The following LEKR1 variants were observed in gnomAD, a reference collection of about 807,000 sequenced individuals.
LEKR1 encodes the protein leucine, glutamate and lysine rich 1.
A neutral mutation model predicts 72.4 loss-of-function variants in LEKR1; 59 were observed. The observed-to-expected ratio is 0.82, with a 90% CI of 0.66 to 1.01. The LOEUF (loss-of-function observed/expected upper bound fraction) is 1.01, where lower values mean the gene tolerates loss of function less well. Ranked by LOEUF, LEKR1 falls within the 50% of genes least tolerant of loss-of-function variation. LEKR1 has a pLI of 0.00. For synonymous variants in LEKR1, 257 were observed against 263.2 expected, an observed-to-expected ratio of 0.98 and a Z score of 0.23; for missense variants, 728 against 759.2, an observed-to-expected ratio of 0.96 and a Z score of 0.48.
At chr3:157,022,442 A>G (rs551235539) in intron 10 of LEKR1, among the ~76,000 whole-genome samples, 2 of 152,146 alleles carry the variant, frequency 1.3e-5, no homozygotes, top group Non-Finnish European at 2.9e-5. Context: ...AGTGCTGATG[A>G]AAGTTGAGAC....
intron 7 of LEKR1, among the ~76,000 whole-genome samples, chr3:156,981,389 A>G (rs1182655440): frequency 6.6e-6 from 1 of 152,196 alleles, no homozygotes; most frequent in Non-Finnish European, 1.5e-5. Flanking sequence ...ATACACCACT[A>G]AAGTCCATCA....
chr3:156,964,550 C>A (rs548907410), intron 6 of LEKR1, among the ~76,000 whole-genome samples: 1 of 151,964 alleles, frequency 6.6e-6, no homozygotes, highest in Non-Finnish European at 1.5e-5. Context: ...AGAATTAATT[C>A]TTAAGAGTGC....
intron 3 of LEKR1, among the ~76,000 whole-genome samples, chr3:156,885,701 G>A (rs752668497): frequency 7.9e-5 from 12 of 152,258 alleles, no homozygotes; most frequent in Non-Finnish European, 1.5e-4. Flanking sequence ...ATGAGAGTTC[G>A]TGATTCTAGA....
intron 3 of LEKR1, among the ~76,000 whole-genome samples, chr3:156,920,369 C>G (rs1473561302): frequency 6.6e-6 from 1 of 151,998 alleles, no homozygotes; most frequent in Non-Finnish European, 1.5e-5. Context: ...TACTTTTTCC[C>G]CCTGCCCATA....
chr3:156,985,608 G>A (rs561969491), intron 7 of LEKR1, among the ~76,000 whole-genome samples: 35 of 152,258 alleles, frequency 2.3e-4, no homozygotes, highest in African/African-American at 7.9e-4. Context: ...ACTGAGGCGA[G>A]GCAGGTGGAT....
intron 6 of LEKR1, among the ~76,000 whole-genome samples, chr3:156,972,641 T>G (rs1043415548): frequency 6.6e-6 from 1 of 151,318 alleles, no homozygotes; most frequent in African/African-American, 2.4e-5. Context: ...TTATATGTAA[T>G]ATATATAAGG....
At chr3:156,837,506 G>C (rs416600) in intron 2 of LEKR1, among the ~76,000 whole-genome samples, 128,542 of 152,242 alleles carry the variant, frequency 0.84, 54,431 homozygotes, top group African/African-American at 0.91. Context: ...TTTCAGGGAC[G>C]TGCAGCAAAG....
At chr3:156,995,174 A>G (rs1003851981) in intron 9 of LEKR1, among the ~76,000 whole-genome samples, 2 of 152,208 alleles carry the variant, frequency 1.3e-5, no homozygotes, top group Admixed American at 1.3e-4. Context: ...CTGCAGTTTG[A>G]AGAGGGGAGT....
chr3:156,909,385 G>C (rs766322746), intron 3 of LEKR1, among the ~76,000 whole-genome samples: 2 of 151,922 alleles, frequency 1.3e-5, no homozygotes, highest in African/African-American at 4.8e-5. Context: ...TTGCTGGTGG[G>C]TCATGCCTGC....
intron 3 of LEKR1, among the ~76,000 whole-genome samples, chr3:156,906,979 T>G (rs994810129): frequency 2.6e-5 from 4 of 152,160 alleles, no homozygotes; most frequent in African/African-American, 7.2e-5. Flanking sequence ...AATCTTATAA[T>G]TTAGCAGTGT....
At chr3:156,833,938 C>A in intron 2 of LEKR1, among the ~76,000 whole-genome samples, 1 of 149,808 alleles carries the variant, frequency 6.7e-6, no homozygotes, top group Non-Finnish European at 1.5e-5. Context: ...ACTTAAAAGG[C>A]AAAAACATTT....
intron 5 of LEKR1, among the ~76,000 whole-genome samples, chr3:156,930,406 GT>G (rs1395526184): frequency 1.3e-5 from 2 of 151,996 alleles, no homozygotes; most frequent in African/African-American, 4.8e-5. Context: ...GGCTTATAAA[GT>G]ATGTCAATGT....
intron 3 of LEKR1, among the ~76,000 whole-genome samples, chr3:156,888,636 T>C (rs1035292070): frequency 2.2e-4 from 34 of 152,210 alleles, no homozygotes; most frequent in Non-Finnish European, 4.6e-4. Flanking sequence ...ATTTTGCTTG[T>C]GTTTGTTTGT....
At chr3:156,954,135 A>G (rs1474143277) in intron 6 of LEKR1, among the ~76,000 whole-genome samples, 1 of 151,538 alleles carries the variant, frequency 6.6e-6, no homozygotes, top group Admixed American at 6.6e-5. Flanking sequence ...GCTTTTTTTC[A>G]TGTTTGTTGG....
At chr3:156,918,465 A>G (rs556148524) in intron 3 of LEKR1, among the ~76,000 whole-genome samples, 3 of 152,266 alleles carry the variant, frequency 2.0e-5, no homozygotes, top group Non-Finnish European at 1.5e-5. Flanking sequence ...TGGGAATGTA[A>G]TGATTGAAGC....
chr3:156,969,642 C>T (rs1011853094), intron 6 of LEKR1, among the ~76,000 whole-genome samples: 1 of 151,684 alleles, frequency 6.6e-6, no homozygotes, highest in Non-Finnish European at 1.5e-5. Flanking sequence ...AGCTTACCAA[C>T]CAAAAAAAGT....
At chr3:156,979,017 G>C (rs1729946413) in intron 6 of LEKR1, among the ~76,000 whole-genome samples, 177 bp from the exon 7 acceptor site, 1 of 152,160 alleles carries the variant, frequency 6.6e-6, no homozygotes, top group African/African-American at 2.4e-5. Context: ...GGGGTGTTAG[G>C]ATAGGGAGGG....
chr3:156,860,715 G>T (rs1409634772), intron 3 of LEKR1, among the ~76,000 whole-genome samples: 1 of 152,144 alleles, frequency 6.6e-6, no homozygotes. Flanking sequence ...AGACTGGCTG[G>T]ATCAGTTAGG....
chr3:156,969,285 AG>A (rs1728924825), intron 6 of LEKR1, among the ~76,000 whole-genome samples: 1 of 152,236 alleles, frequency 6.6e-6, no homozygotes, highest in Non-Finnish European at 1.5e-5. Context: ...GCAGAACTGA[AG>A]GAAGTAGAGA....
Sources: gnomAD v4.1 joint callset for allele counts (sites outside exome capture counted in the v4.1 genomes callset) on GRCh38, gnomAD v4.1.1 for gene constraint, MANE v1.5 for transcripts, NCBI Gene and HGNC (gene_info 2026-07-23, HGNC 2026-07-21) for gene names.